TSFM: variants seen among roughly 807,000 people sequenced by gnomAD.
The protein encoded by TSFM is Ts translation elongation factor, mitochondrial, also known as elongation factor Ts, mitochondrial.
A neutral mutation model predicts 33.4 loss-of-function variants in TSFM; 29 were observed. That is an observed-to-expected ratio of 0.87 (90% CI 0.65 to 1.18). The LOEUF is 1.18. Ranked by LOEUF, TSFM falls within the 50% of genes most tolerant of loss-of-function variation. TSFM has a pLI of 0.00. For synonymous variants in TSFM, 178 were observed against 163.5 expected, an observed-to-expected ratio of 1.09 and a Z score of -0.68; for missense variants, 394 against 395.6, an observed-to-expected ratio of 1.00 and a Z score of 0.04.
chr12:57,793,828 T>C (rs975111600), intron 5 of TSFM, among the ~76,000 whole-genome samples: 1 of 152,240 alleles, frequency 6.6e-6, no homozygotes, highest in Non-Finnish European at 1.5e-5. Context: ...TCCTCTTCTT[T>C]ATAAAAGGTG....
chr12:57,792,021 A>G, intron 4 of TSFM: 1 of 265,060 alleles, frequency 3.8e-6, no homozygotes. Context: ...CAGGTGGATC[A>G]CTTGAGGTCA....
At chr12:57,802,704 A>G (rs866050921), downstream of TSFM, 42 of 611,280 alleles carry the variant, frequency 6.9e-5, no homozygotes, top group African/African-American at 6.6e-4. Flanking sequence ...CTGAGTCTCC[A>G]CTTTTGATAG....
At chr12:57,786,077 T>C in intron 2 of TSFM, 86 bp from the exon 3 acceptor site, 1 of 1,402,582 alleles carries the variant, frequency 7.1e-7, no homozygotes, top group Non-Finnish European at 9.4e-7. Context: ...ATTTAGAGAA[T>C]CAGGAAACCT....
At chr12:57,787,512 C>T (rs746184392) in intron 4 of TSFM, among the ~76,000 whole-genome samples, 2 of 152,114 alleles carry the variant, frequency 1.3e-5, no homozygotes, top group Non-Finnish European at 2.9e-5. Flanking sequence ...AAATCTTTGT[C>T]AGATGAATGA....
chr12:57,797,977 C>T, downstream of TSFM: 1 of 1,611,370 alleles, frequency 6.2e-7, no homozygotes, highest in Non-Finnish European at 8.5e-7. Context: ...GACACAAAGT[C>T]CTGTTCAGAG....
Position 57,797,205 on chromosome 12 carries a change from C to A in TSFM, c.*622C>A, listed in dbSNP as rs774888647. 269 of 985,272 alleles carry A rather than the reference C, an allele frequency of 2.7e-4. No homozygotes were observed. Among genetic ancestry groups the A allele is most frequent in the Middle Eastern group, 5.2e-4 (1 of 1,936 alleles). The allele number at this position is 985,272 out of a possible 1,614,324, so 61.0% of individuals were successfully genotyped here. A position where few individuals can be genotyped will look rare whatever the true frequency, so the allele number is the denominator to read the frequency against. On this transcript the variant is annotated 3_prime_UTR_variant, in exon 6 of 6. Transcript: ENST00000652027. ...GTGGGTACTGAGGTTTCCTGGCCAG[C>A]TGTAAGGCAGATTTTGACATTCTTG...
chr12:57,790,539 T>C (rs993597250), intron 4 of TSFM, among the ~76,000 whole-genome samples: 5 of 152,208 alleles, frequency 3.3e-5, no homozygotes, highest in Admixed American at 2.6e-4. Context: ...TACAAAATTG[T>C]TTCAGAATTG....
chr12:57,794,183 G>A (rs1375274751), intron 5 of TSFM, among the ~76,000 whole-genome samples: 1 of 152,220 alleles, frequency 6.6e-6, no homozygotes, highest in Non-Finnish European at 1.5e-5. Context: ...AGAAATTCTG[G>A]AAGAGCTGGG....
chr12:57,802,061 G>A, downstream of TSFM: 1 of 1,378,110 alleles, frequency 7.3e-7, no homozygotes. Flanking sequence ...TGAGGTCCTG[G>A]TTTCACTGAG....
downstream of TSFM, among the ~76,000 whole-genome samples, chr12:57,798,399 G>C (rs997760524): frequency 1.3e-5 from 2 of 152,010 alleles, no homozygotes; most frequent in Non-Finnish European, 2.9e-5. Flanking sequence ...TGCATGATCG[G>C]GTGGATCTTA....
downstream of TSFM, chr12:57,799,978 C>T: frequency 6.2e-7 from 1 of 1,601,066 alleles, no homozygotes; most frequent in Middle Eastern, 1.7e-4. Context: ...TGTGTGGTTA[C>T]AGTTCTGAAT....
downstream of TSFM, chr12:57,802,351 G>A: frequency 6.2e-7 from 1 of 1,606,860 alleles, no homozygotes; most frequent in Non-Finnish European, 8.5e-7. Flanking sequence ...AAGAACACCT[G>A]TTAAGGTGGA....
intron 4 of TSFM, 126 bp downstream of exon 4, chr12:57,787,288 T>C: frequency 1.0e-6 from 1 of 994,748 alleles, no homozygotes; most frequent in Non-Finnish European, 1.4e-6. Context: ...TGCTATCTCT[T>C]TGCATAGAAT....
At chr12:57,794,728 T>C (rs1444228311) in intron 5 of TSFM, among the ~76,000 whole-genome samples, 1 of 152,214 alleles carries the variant, frequency 6.6e-6, no homozygotes, top group Non-Finnish European at 1.5e-5. Context: ...AGCATTTGAG[T>C]GCTATGTGCC....
chr12:57,792,956 AG>A, intron 4 of TSFM, 29 bp from the exon 5 acceptor site: 1 of 1,594,628 alleles, frequency 6.3e-7, no homozygotes, highest in Non-Finnish European at 8.6e-7. Context: ...GTACAGAATC[AG>A]TTCATGTTTG....
chr12:57,802,827 T>G, downstream of TSFM: 1 of 565,924 alleles, frequency 1.8e-6, no homozygotes, highest in Non-Finnish European at 3.1e-6. Flanking sequence ...TTGTCAAATC[T>G]GTCACCATCC....
At chr12:57,788,932 C>T (rs1955625646) in intron 4 of TSFM, among the ~76,000 whole-genome samples, 2 of 151,674 alleles carry the variant, frequency 1.3e-5, no homozygotes, top group African/African-American at 4.8e-5. Context: ...TACAGCTGGC[C>T]CTATCACTTT....
Position 57,796,523 on chromosome 12 carries a change from G to A in TSFM, c.918G>A (p.Ser306=), listed in dbSNP as rs149429981. Residue 306 remains serine, a synonymous_variant, in exon 6 of 6, where the codon TCG becomes TCA. Transcript: ENST00000652027. ...AGTATGTGCAGCCTCAGGGGGTGTC[G>A]GTAGTAGACTTTGTGCGGTTTGAAT... ...LGQYVQPQGV[S]VVDFVRFECG... The A allele has an allele frequency of 1.6e-5, 24 of 1,497,998 alleles. No homozygotes were observed. The African/African-American group carries it at 2.9e-4, about 18-fold the overall frequency. 92.8% of individuals were successfully genotyped at this position (1,497,998 alleles called of 1,614,324 possible).
At chr12:57,790,000 G>T (rs1955641144) in intron 4 of TSFM, among the ~76,000 whole-genome samples, 1 of 149,950 alleles carries the variant, frequency 6.7e-6, no homozygotes, top group Non-Finnish European at 1.5e-5. Context: ...GTCCTTTTTA[G>T]TTGGGGAATG....
Sources: gnomAD v4.1 joint callset for allele counts (sites outside exome capture counted in the v4.1 genomes callset) on GRCh38, gnomAD v4.1.1 for gene constraint, MANE v1.5 for transcripts, NCBI Gene and HGNC (gene_info 2026-07-23, HGNC 2026-07-21) for gene names.